The following SALL3 variants were observed in gnomAD, a reference collection of about 807,000 sequenced individuals.
SALL3 encodes the protein spalt like transcription factor 3.
Under a neutral mutation model 66.2 loss-of-function variants are expected in SALL3, and 25 were observed. The ratio of observed to expected loss-of-function variants is 0.38; its 90% CI spans 0.28 to 0.53. SALL3 has a LOEUF of 0.53. Ranked by LOEUF, SALL3 falls within the 20% of genes least tolerant of loss-of-function variation. The pLI, the probability that SALL3 is intolerant of heterozygous loss-of-function variation, is 0.85. For synonymous variants in SALL3, 1,152 were observed against 899.1 expected, an observed-to-expected ratio of 1.28 and a Z score of -5.03; for missense variants, 2,194 against 1,916.5, an observed-to-expected ratio of 1.14 and a Z score of -2.70.
chr18:78,980,783 C>A (rs1340792799), intron 1 of SALL3, among the ~76,000 whole-genome samples: 1 of 151,942 alleles, frequency 6.6e-6, no homozygotes, highest in Non-Finnish European at 1.5e-5. Context: ...GGTTGGGGAC[C>A]CCGCCGCCCG....
chr18:78,994,684 A>C lies in SALL3; in HGVS notation c.2693A>C (p.Glu898Ala), dbSNP rs200942519. 208 of 1,607,952 alleles carry C rather than the reference A, an allele frequency of 1.3e-4. No individual in the cohort carries two copies. Among genetic ancestry groups the C allele is most frequent in the Middle Eastern group, 3.3e-4 (2 of 5,990 alleles). Reference sequence around the variant, plus strand: ...AGCGCGGGCAGCCCCGCCCTGTCCGAGTCCTCGTCCTCGCAGGCCCTGTCG... The same window carrying C: ...AGCGCGGGCAGCCCCGCCCTGTCCGCGTCCTCGTCCTCGCAGGCCCTGTCG... ...SRSAGSPALS[E>A]SSSSQALSPA... Residue 898 changes from glutamate (E) to alanine (A), a missense_variant, in exon 2 of 3, where the codon GAG becomes GCG. Transcript: ENST00000537592.
chr18:78,986,021 C>T (rs761837164), intron 1 of SALL3, among the ~76,000 whole-genome samples: 5 of 152,188 alleles, frequency 3.3e-5, no homozygotes, highest in Non-Finnish European at 7.3e-5. Flanking sequence ...GATACACACG[C>T]GTTCCTTATA....
chr18:78,985,282 G>A (rs1319155581), intron 1 of SALL3, among the ~76,000 whole-genome samples: 1 of 152,214 alleles, frequency 6.6e-6, no homozygotes, highest in Admixed American at 6.5e-5. Flanking sequence ...CGTGCTGCAC[G>A]GCTTCTCAGA....
Position 78,992,087 on chromosome 18 carries a change from A to C in SALL3, c.96A>C (p.Glu32Asp). 1 of 1,523,206 alleles carries C rather than the reference A, an allele frequency of 6.6e-7. No individual in the cohort carries two copies. Among genetic ancestry groups the C allele is most frequent in the Non-Finnish European group, 8.8e-7 (1 of 1,132,486 alleles). The allele number at this position is 1,523,206 out of a possible 1,614,324, so 94.4% of individuals were successfully genotyped here. ...DGAPEHAAPG[E>D]GAEDADSGPE... ...TTGGTCTTGCAGCCGCCCCGGGGGAAGGTGCGGAGGACGCAGACAGCGGGC... is the reference window on the plus strand; with the variant it reads ...TTGGTCTTGCAGCCGCCCCGGGGGACGGTGCGGAGGACGCAGACAGCGGGC... The change falls in exon 2 of 3, where the codon GAA (glutamate) becomes GAC (aspartate). Residue 32 changes from glutamate to aspartate, a missense_variant. Physicochemically the swap from Glu to Asp is conservative, Grantham distance 45. Coordinates refer to ENST00000537592, the MANE Select transcript of SALL3 (RefSeq NM_171999.4).
Position 78,994,200 on chromosome 18 carries a change from G to C in SALL3, c.2209G>C (p.Val737Leu). The change falls in exon 2 of 3, where the codon GTG (valine) becomes CTG (leucine). Residue 737 changes from valine to leucine, a missense_variant. Val to Leu is a conservative substitution (Grantham distance 32). Transcript: ENST00000537592. ...GVHRAKPPLRVQHSCPICQKK... is the reference protein window; with the variant it reads ...GVHRAKPPLRLQHSCPICQKK... The stretch of plus-strand genomic sequence containing the variant: ...GCACCGTGCAAAGCCGCCCCTGCGC[G>C]TGCAGCACTCCTGCCCCATCTGCCA... 1 of 1,613,490 alleles carries C rather than the reference G, an allele frequency of 6.2e-7. No homozygotes were observed. Among genetic ancestry groups the C allele is most frequent in the Non-Finnish European group, 8.5e-7 (1 of 1,179,990 alleles).
intron 2 of SALL3, among the ~76,000 whole-genome samples, chr18:78,995,859 T>C (rs988407408): frequency 1.3e-5 from 2 of 152,106 alleles, no homozygotes; most frequent in African/African-American, 4.8e-5. Flanking sequence ...GTTAATCCGC[T>C]GTGGGGGGAA....
rs1167780348 is a variant in SALL3 at position 78,993,013 on chromosome 18, C to A, written c.1022C>A (p.Ser341Tyr). Reference sequence around the variant, plus strand: ...GCCTCGTCGCAGCCGCAGAGCGCATCCACGCCGCCTGCCCTGGCCCCGGGG... The same window carrying A: ...GCCTCGTCGCAGCCGCAGAGCGCATACACGCCGCCTGCCCTGGCCCCGGGG... ...SAASSQPQSA[S>Y]TPPALAPGSL... The change falls in exon 2 of 3, where the codon TCC becomes TAC. Residue 341 changes from serine (S) to tyrosine (Y), a missense_variant. Transcript: ENST00000537592. The A allele has an allele frequency of 3.9e-6, 6 of 1,521,918 alleles. No homozygotes were observed. In the Admixed American group the frequency reaches 1.2e-4, roughly 31 times the overall value. The allele number at this position is 1,521,918 out of a possible 1,614,324, so 94.3% of individuals were successfully genotyped here. A position where few individuals can be genotyped will look rare whatever the true frequency, so the allele number is the denominator to read the frequency against.
In SALL3 at chr18:78,997,378, G is replaced by A; in HGVS notation, c.*56G>A. The stretch of plus-strand genomic sequence containing the variant: ...CCCACGTTTTGAAGTTGGAGCATCA[G>A]GCCTCCGACCTTTCTTGCCTCGGTT... On this transcript the variant is annotated 3_prime_UTR_variant, in exon 3 of 3. Coordinates refer to ENST00000537592, the MANE Select transcript of SALL3 (RefSeq NM_171999.4). 2.0e-6 allele frequency: 3 copies of A among 1,532,516 alleles called. No individual in the cohort carries two copies. Among genetic ancestry groups the A allele is most frequent in the Non-Finnish European group, 2.7e-6 (3 of 1,119,844 alleles). 94.9% of individuals were successfully genotyped at this position (1,532,516 alleles called of 1,614,324 possible). A position where few individuals can be genotyped will look rare whatever the true frequency, so the allele number is the denominator to read the frequency against.
chr18:78,980,243 G>C lies in SALL3; in HGVS notation c.-32G>C. 2 of 1,148,906 alleles carry C rather than the reference G, an allele frequency of 1.7e-6. No individual in the cohort carries two copies. The highest frequency in any genetic ancestry group is 4.4e-5 in the South Asian group (2 of 45,864). The allele number at this position is 1,148,906 out of a possible 1,614,324, so 71.2% of individuals were successfully genotyped here. ...CGCCGGCCGCCCCGCTGATGCCGCTGCCCCGCGCGGGGCCCGAGCGCCGCT... is the reference window on the plus strand; with the variant it reads ...CGCCGGCCGCCCCGCTGATGCCGCTCCCCCGCGCGGGGCCCGAGCGCCGCT... On this transcript the variant is annotated 5_prime_UTR_variant, in exon 1 of 3. Transcript: ENST00000537592.
Position 78,995,137 on chromosome 18 carries a change from C to G in SALL3, c.3146C>G (p.Thr1049Ser). 5 of 1,613,760 alleles carry G rather than the reference C, an allele frequency of 3.1e-6. No individual in the cohort carries two copies. Among genetic ancestry groups the G allele is most frequent in the Non-Finnish European group, 4.2e-6 (5 of 1,180,026 alleles). The change falls in exon 2 of 3, where the codon ACT (threonine) becomes AGT (serine). Residue 1049 changes from threonine to serine, a missense_variant. Thr to Ser is a moderately conservative substitution (Grantham distance 58, BLOSUM62 1). Transcript: ENST00000537592. ...TTTGCTCTAGGTCCCAGCCAAAGCA[C>G]TCCTAGCCTGATCTCCAGCGCCGCA... The part of the protein sequence containing the change: ...PNFALGPSQS[T>S]PSLISSAAPT...
rs1010959199 is a variant in SALL3 at position 78,979,878 on chromosome 18, C to T, written c.-397C>T. ...TGCCTGCGCCCTGCGGAGGGACGGC[C>T]ACCGCGGCCCGCGCCGCACCCGGGC... On this transcript the variant is annotated 5_prime_UTR_variant, in exon 1 of 3. Coordinates refer to ENST00000537592, the MANE Select transcript of SALL3 (RefSeq NM_171999.4). Among the ~76,000 whole-genome samples the T allele has an allele frequency of 3.9e-4, 56 of 144,976 alleles. No homozygotes were observed. The highest frequency in any genetic ancestry group is 1.2e-3 in the African/African-American group (50 of 40,592).
In SALL3 at chr18:78,993,968, G is replaced by A. The variant is rs1914579433; in HGVS notation, c.1977G>A (p.Ser659=). The A allele has an allele frequency of 3.7e-6, 6 of 1,611,586 alleles. No homozygotes were observed. Among genetic ancestry groups the A allele is most frequent in the Non-Finnish European group, 2.5e-6 (3 of 1,179,402 alleles). Residue 659 remains serine (S), a synonymous_variant, in exon 2 of 3, where the codon TCG becomes TCA. Transcript: ENST00000537592. ...GGCTGCTAGACTCGATGCAAACGTC[G>A]GAAACCTCGAAGCTGCAGCAGCTGG... is the stretch of plus-strand genomic sequence containing the variant. ...FGGLLDSMQT[S]ETSKLQQLVE...
chr18:78,994,254 C>G lies in SALL3; in HGVS notation c.2263C>G (p.Gln755Glu). The G allele has an allele frequency of 6.2e-7, 1 of 1,613,806 alleles. No homozygotes were observed. The highest frequency in any genetic ancestry group is 8.5e-7 in the Non-Finnish European group (1 of 1,180,006). ...QKKFTNAVVL[Q>E]QHIRMHMGGQ... ...GAAGTTCACCAACGCCGTGGTCCTGCAGCAGCACATCCGCATGCACATGGG... is the reference window on the plus strand; with the variant it reads ...GAAGTTCACCAACGCCGTGGTCCTGGAGCAGCACATCCGCATGCACATGGG... Residue 755 changes from glutamine (Q) to glutamate (E), a missense_variant, in exon 2 of 3, where the codon CAG (glutamine) becomes GAG (glutamate). Coordinates refer to ENST00000537592, the MANE Select transcript of SALL3 (RefSeq NM_171999.4).
intron 1 of SALL3, among the ~76,000 whole-genome samples, chr18:78,991,382 G>GT (rs1491523183): frequency 6.7e-5 from 4 of 59,486 alleles, no homozygotes; most frequent in South Asian, 9.6e-4. Flanking sequence ...AAGTACAAGG[G>GT]TGGGGGGGGG....
chr18:78,995,677 T>C (rs1914667707), intron 2 of SALL3, among the ~76,000 whole-genome samples: 2 of 129,622 alleles, frequency 1.5e-5, no homozygotes, highest in South Asian at 5.5e-4. Context: ...AGCGTGTACC[T>C]ATGTGTGTGC....
rs562190852 is a variant in SALL3, at chr18:78,990,102, G to A, written c.83-1972G>A. ...TTTGCCCTATTCCATAACCTTTGCG[G>A]GTTTAAAATTAGATTTTGCATACAT... On this transcript the variant is annotated intron_variant, in intron 1 of 2. Coordinates refer to ENST00000537592, the MANE Select transcript of SALL3 (RefSeq NM_171999.4). Among the ~76,000 whole-genome samples the A allele has an allele frequency of 1.6e-4, 25 of 152,240 alleles. 1 individual carries two copies. In the South Asian group the frequency reaches 4.6e-3, roughly 28 times the overall value.
intron 2 of SALL3, 28 bp from the exon 3 acceptor site, chr18:78,996,863 T>G (rs1599184877): frequency 1.5e-5 from 24 of 1,575,902 alleles, no homozygotes; most frequent in Non-Finnish European, 1.9e-5. Context: ...AGGCACTTAC[T>G]CGTGGGCTGT....
In SALL3 at chr18:78,995,219, G is replaced by A; in HGVS notation, c.3228G>A (p.Glu1076=). ...NGHGKAMALG[E]GPPLPAGVQV... ...ACGGCAAGGCCATGGCGCTGGGCGA[G>A]GGTCCCCCGCTGCCCGCGGGCGTCC... The change falls in exon 2 of 3, where the codon GAG becomes GAA. Residue 1076 remains glutamate, a synonymous_variant. Transcript: ENST00000537592. The A allele has an allele frequency of 1.2e-6, 2 of 1,607,414 alleles. No individual in the cohort carries two copies. The highest frequency in any genetic ancestry group is 8.5e-7 in the Non-Finnish European group (1 of 1,179,902).
chr18:78,981,293 G>A (rs925282587), intron 1 of SALL3, among the ~76,000 whole-genome samples: 1 of 152,146 alleles, frequency 6.6e-6, no homozygotes, highest in Non-Finnish European at 1.5e-5. Context: ...GCCCCGCGGG[G>A]CCCCCAGGGC....
Sources: gnomAD v4.1 joint callset for allele counts (sites outside exome capture counted in the v4.1 genomes callset) on GRCh38, gnomAD v4.1.1 for gene constraint, MANE v1.5 for transcripts, NCBI Gene and HGNC (gene_info 2026-07-23, HGNC 2026-07-21) for gene names.